The following NR2F1-AS1 variants were observed in gnomAD, a reference collection of about 807,000 sequenced individuals.
NR2F1-AS1 encodes NR2F1 antisense RNA 1.
At chr5:93,543,944 T>C (rs1361113206) in intron 4 of NR2F1-AS1, 4 of 152,176 alleles carry the variant, frequency 2.6e-5, no homozygotes, top group African/African-American at 9.7e-5. Flanking sequence ...AAAGTGTATA[T>C]ACAAAGGCCC....
At chr5:93,574,901 C>A (rs1447777839) in intron 1 of NR2F1-AS1, among the ~76,000 whole-genome samples, 1 of 152,128 alleles carries the variant, frequency 6.6e-6, no homozygotes, top group East Asian at 1.9e-4. Flanking sequence ...ACTAGGAAAC[C>A]CGGGGAAACA....
chr5:93,414,156 G>T (rs1232079437), intron 4 of NR2F1-AS1, among the ~76,000 whole-genome samples: 2 of 152,134 alleles, frequency 1.3e-5, no homozygotes, highest in Non-Finnish European at 2.9e-5. Context: ...TACTTGAAAA[G>T]AATTGGATAA....
intron 4 of NR2F1-AS1, chr5:93,542,725 T>G (rs1341858668): frequency 1.3e-5 from 2 of 152,182 alleles, no homozygotes; most frequent in Non-Finnish European, 2.9e-5. Context: ...CTAAGCCAAT[T>G]TGCCTTGAGG....
In NR2F1-AS1 at chr5:93,486,420, T is replaced by C. The variant is rs1024319594; in HGVS notation, n.638+67341A>G. ...AAAATGATAAAGGTGATATCACCAC[T>C]GATCCCACAGAAATACAAACTACCA... On this transcript the variant is annotated intron_variant and non_coding_transcript_variant, in intron 4 of 5. Transcript: ENST00000660523. 5.3e-5 allele frequency among the ~76,000 whole-genome samples: 8 copies of C among 152,002 alleles called. No homozygotes were observed. The East Asian group carries it at 1.5e-3, about 29-fold the overall frequency.
intron 4 of NR2F1-AS1, among the ~76,000 whole-genome samples, chr5:93,525,606 GAAC>G (rs1425336760): frequency 6.6e-6 from 1 of 152,084 alleles, no homozygotes; most frequent in African/African-American, 2.4e-5. Context: ...CACATAATTA[GAAC>G]AACATTCCTC....
chr5:93,556,460 G>C (rs1171729404), intron 2 of NR2F1-AS1, among the ~76,000 whole-genome samples: 1 of 152,112 alleles, frequency 6.6e-6, no homozygotes, highest in Non-Finnish European at 1.5e-5. Context: ...CAGAAAAGTT[G>C]CCTACTGCTA....
At chr5:93,580,299 A>T (rs1752993828) in intron 1 of NR2F1-AS1, among the ~76,000 whole-genome samples, 1 of 152,230 alleles carries the variant, frequency 6.6e-6, no homozygotes, top group South Asian at 2.1e-4. Context: ...ACAGAGGCCG[A>T]GCGAGGGCAA....
intron 4 of NR2F1-AS1, among the ~76,000 whole-genome samples, chr5:93,515,520 T>C (rs998770007): frequency 3.3e-5 from 5 of 151,960 alleles, no homozygotes; most frequent in Non-Finnish European, 5.9e-5. Flanking sequence ...AATTTTGAAA[T>C]TATTTGATTA....
chr5:93,446,314 C>T (rs1379662584), intron 4 of NR2F1-AS1, among the ~76,000 whole-genome samples: 2 of 152,180 alleles, frequency 1.3e-5, no homozygotes, highest in Non-Finnish European at 2.9e-5. Context: ...ATCGTCTCAG[C>T]CCAAAATCTC....
chr5:93,445,401 A>C (rs1749676274), intron 4 of NR2F1-AS1, among the ~76,000 whole-genome samples: 1 of 152,200 alleles, frequency 6.6e-6, no homozygotes, highest in Non-Finnish European at 1.5e-5. Flanking sequence ...AACTACCATC[A>C]GAGAATACTA....
chr5:93,497,226 T>C (rs1026715124), intron 4 of NR2F1-AS1, among the ~76,000 whole-genome samples: 1 of 152,164 alleles, frequency 6.6e-6, no homozygotes. Context: ...AAATGCAATG[T>C]GAAGGACGTG....
intron 4 of NR2F1-AS1, among the ~76,000 whole-genome samples, chr5:93,412,870 A>T (rs1179641633): frequency 6.6e-6 from 1 of 152,070 alleles, no homozygotes; most frequent in Non-Finnish European, 1.5e-5. Flanking sequence ...TCAGGTACCA[A>T]CACCTTCCCT....
chr5:93,440,281 C>T (rs1749539123), intron 4 of NR2F1-AS1, among the ~76,000 whole-genome samples: 1 of 152,038 alleles, frequency 6.6e-6, no homozygotes, highest in South Asian at 2.1e-4. Flanking sequence ...CCATGGGGTG[C>T]CCAGAAACTT....
At chr5:93,411,995 G>A (rs1208353590) in intron 4 of NR2F1-AS1, among the ~76,000 whole-genome samples, 1 of 152,154 alleles carries the variant, frequency 6.6e-6, no homozygotes, top group African/African-American at 2.4e-5. Context: ...CAAAGGCTCT[G>A]AACTAGCCAG....
At chr5:93,435,633 C>T (rs960575730) in intron 4 of NR2F1-AS1, among the ~76,000 whole-genome samples, 1 of 152,134 alleles carries the variant, frequency 6.6e-6, no homozygotes, top group Non-Finnish European at 1.5e-5. Flanking sequence ...CCCACCATAC[C>T]CTCTGCCTGG....
intron 4 of NR2F1-AS1, among the ~76,000 whole-genome samples, chr5:93,482,993 C>T (rs552017510): frequency 3.3e-5 from 5 of 152,274 alleles, no homozygotes; most frequent in African/African-American, 1.2e-4. Flanking sequence ...GACAGAGCAC[C>T]TAGGGGAAGG....
intron 4 of NR2F1-AS1, among the ~76,000 whole-genome samples, chr5:93,442,060 T>C (rs1749581895): frequency 6.6e-6 from 1 of 152,120 alleles, no homozygotes; most frequent in African/African-American, 2.4e-5. Flanking sequence ...TTATAGAAAA[T>C]GCTTGCTAGC....
chr5:93,429,573 T>C (rs972569360), intron 4 of NR2F1-AS1, among the ~76,000 whole-genome samples: 3 of 152,214 alleles, frequency 2.0e-5, no homozygotes, highest in Non-Finnish European at 2.9e-5. Flanking sequence ...ACATTCTAAA[T>C]GGTTTCTGAG....
chr5:93,483,327 C>T (rs972062785), intron 4 of NR2F1-AS1, among the ~76,000 whole-genome samples: 2 of 152,146 alleles, frequency 1.3e-5, no homozygotes, highest in East Asian at 3.9e-4. Flanking sequence ...AGACCTCCAA[C>T]AAACTCCAGC....
Sources: gnomAD v4.1 joint callset for allele counts (sites outside exome capture counted in the v4.1 genomes callset) on GRCh38, gnomAD v4.1.1 for gene constraint, MANE v1.5 for transcripts, NCBI Gene and HGNC (gene_info 2026-07-23, HGNC 2026-07-21) for gene names.